The following SORCS3 variants were observed in gnomAD, a reference collection of about 807,000 sequenced individuals.
SORCS3 encodes VPS10 domain-containing receptor SorCS3.
In SORCS3, 57 loss-of-function variants were observed where a neutral mutation model predicts 146.3. That is an observed-to-expected ratio of 0.39 (90% CI 0.31 to 0.49). SORCS3 has a LOEUF of 0.49. Among genes scored for constraint, SORCS3 ranks in the 20% least tolerant of loss-of-function variants. SORCS3 has a pLI of 0.92. For missense variants in SORCS3, 1,341 were observed against 1,575.5 expected, an observed-to-expected ratio of 0.85 and a Z score of 2.52; for synonymous variants, 653 against 618.5, an observed-to-expected ratio of 1.06 and a Z score of -0.83.
intron 1 of SORCS3, among the ~76,000 whole-genome samples, chr10:104,668,951 A>G (rs1589452202): frequency 6.6e-6 from 1 of 152,234 alleles, no homozygotes; most frequent in Non-Finnish European, 1.5e-5. Flanking sequence ...CTCTGAGAGC[A>G]AAGAGTTATC....
intron 5 of SORCS3, among the ~76,000 whole-genome samples, chr10:105,066,445 G>A (rs780660385): frequency 6.6e-6 from 1 of 152,152 alleles, no homozygotes; most frequent in African/African-American, 2.4e-5. Context: ...ACAGGCTGGG[G>A]CACCCCCTTC....
chr10:104,751,959 A>G (rs1326522692), intron 1 of SORCS3, among the ~76,000 whole-genome samples: 7 of 112,030 alleles, frequency 6.2e-5, no homozygotes, highest in African/African-American at 2.6e-4. Flanking sequence ...ATATATATAT[A>G]TATATATATA....
intron 6 of SORCS3, among the ~76,000 whole-genome samples, chr10:105,096,256 T>G (rs2055746213): frequency 6.6e-6 from 1 of 152,120 alleles, no homozygotes; most frequent in Non-Finnish European, 1.5e-5. Context: ...CTGCTGATTT[T>G]AGGACATGTA....
At chr10:104,743,825 C>T (rs906715316) in intron 1 of SORCS3, among the ~76,000 whole-genome samples, 2 of 152,082 alleles carry the variant, frequency 1.3e-5, no homozygotes, top group Non-Finnish European at 1.5e-5. Context: ...GACTTGGAAG[C>T]GAGGTTAGGA....
intron 2 of SORCS3, among the ~76,000 whole-genome samples, chr10:104,856,841 AAAT>A (rs927855517): frequency 4.8e-5 from 7 of 145,240 alleles, no homozygotes; most frequent in Admixed American, 7.1e-5. Context: ...ATCAATATAT[AAAT>A]AATATATATT....
intron 20 of SORCS3, among the ~76,000 whole-genome samples, chr10:105,244,926 G>A (rs1440530928): frequency 6.6e-6 from 1 of 151,918 alleles, no homozygotes; most frequent in Non-Finnish European, 1.5e-5. Context: ...AAAATTAGCT[G>A]AGTGTGGTGG....
At chr10:104,647,901 A>AT in intron 1 of SORCS3, among the ~76,000 whole-genome samples, 1 of 152,344 alleles carries the variant, frequency 6.6e-6, no homozygotes, top group South Asian at 2.1e-4. Context: ...GGACACCCCC[A>AT]TAAGACATTC....
intron 1 of SORCS3, among the ~76,000 whole-genome samples, chr10:104,725,492 C>G (rs190447356): frequency 6.6e-6 from 1 of 152,224 alleles, no homozygotes; most frequent in East Asian, 1.9e-4. Context: ...TACCACTACT[C>G]TCTTCAAAGC....
intron 14 of SORCS3, among the ~76,000 whole-genome samples, chr10:105,195,523 T>A (rs1328541588): frequency 6.6e-6 from 1 of 152,232 alleles, no homozygotes; most frequent in East Asian, 1.9e-4. Flanking sequence ...TGAATTTGAA[T>A]TAGTTCTTAA....
intron 3 of SORCS3, among the ~76,000 whole-genome samples, chr10:104,947,553 A>G (rs997354525): frequency 4.6e-5 from 7 of 152,206 alleles, no homozygotes; most frequent in African/African-American, 1.7e-4. Context: ...GCGCAGGCTC[A>G]GAGAATGGCA....
chr10:104,820,139 A>G (rs1018946086), intron 1 of SORCS3, among the ~76,000 whole-genome samples: 1 of 152,160 alleles, frequency 6.6e-6, no homozygotes, highest in African/African-American at 2.4e-5. Flanking sequence ...ATCAGTAAGG[A>G]GGTGGAATTT....
chr10:104,732,752 A>G (rs1341151590), intron 1 of SORCS3, among the ~76,000 whole-genome samples: 3 of 152,086 alleles, frequency 2.0e-5, no homozygotes, highest in African/African-American at 7.2e-5. Flanking sequence ...CAGGGATGGG[A>G]AAGGGGTCTG....
intron 25 of SORCS3, among the ~76,000 whole-genome samples, chr10:105,258,039 G>A (rs2056941184): frequency 6.6e-6 from 1 of 152,100 alleles, no homozygotes; most frequent in East Asian, 1.9e-4. Flanking sequence ...AGTGGTAAAG[G>A]TGCTTGACTC....
chr10:104,662,456 C>T (rs981761711), intron 1 of SORCS3, among the ~76,000 whole-genome samples: 3 of 152,164 alleles, frequency 2.0e-5, no homozygotes, highest in African/African-American at 7.2e-5. Context: ...ATACCTGACC[C>T]ATGTCACAAA....
chr10:105,263,424 G>A lies in SORCS3; in HGVS notation c.*50G>A. On this transcript the variant is annotated 3_prime_UTR_variant, in exon 27 of 27. Coordinates refer to ENST00000369701, the MANE Select transcript of SORCS3 (RefSeq NM_014978.3). ...ACCTTTCTGACTTTTTATTTTTGATGATTACTATTACTATTATTATGGAAA... is the reference window on the plus strand; with the variant it reads ...ACCTTTCTGACTTTTTATTTTTGATAATTACTATTACTATTATTATGGAAA... 6.5e-7 allele frequency: 1 copy of A among 1,529,342 alleles called. No homozygotes were observed. Among genetic ancestry groups the A allele is most frequent in the African/African-American group, 1.4e-5 (1 of 73,124 alleles). The allele number at this position is 1,529,342 out of a possible 1,614,324, so 94.7% of individuals were successfully genotyped here. A position where few individuals can be genotyped will look rare whatever the true frequency, so the allele number is the denominator to read the frequency against.
intron 1 of SORCS3, among the ~76,000 whole-genome samples, chr10:104,751,260 CCTGGGAGGTA>C (rs1175714082): frequency 1.3e-5 from 2 of 152,046 alleles, no homozygotes; most frequent in African/African-American, 2.4e-5. Context: ...TATAAGTTTT[CCTGGGAGGTA>C]CTGGACTCTC....
chr10:104,760,722 CGACA>C (rs2017110486), intron 1 of SORCS3, among the ~76,000 whole-genome samples: 1 of 152,004 alleles, frequency 6.6e-6, no homozygotes. Flanking sequence ...TATGACGTGA[CGACA>C]GACAGACTGT....
intron 3 of SORCS3, among the ~76,000 whole-genome samples, chr10:104,969,068 A>C (rs1230540396): frequency 6.6e-6 from 1 of 152,188 alleles, no homozygotes; most frequent in African/African-American, 2.4e-5. Flanking sequence ...TAGATTTGGT[A>C]CGTGAATATA....
chr10:104,771,410 G>T (rs536664365), intron 1 of SORCS3, among the ~76,000 whole-genome samples: 1 of 152,276 alleles, frequency 6.6e-6, no homozygotes, highest in South Asian at 2.1e-4. Context: ...TGGAATCTCT[G>T]CTTGGCCCCT....
Sources: gnomAD v4.1 joint callset for allele counts (sites outside exome capture counted in the v4.1 genomes callset) on GRCh38, gnomAD v4.1.1 for gene constraint, MANE v1.5 for transcripts, NCBI Gene and HGNC (gene_info 2026-07-23, HGNC 2026-07-21) for gene names.